Variants in KIRREL3 observed in about 807,000 individuals in gnomAD.
The protein encoded by KIRREL3 is kin of IRRE-like protein 3.
KIRREL3 carries 36 observed loss-of-function variants against 89.7 expected under a neutral mutation model. The ratio of observed to expected loss-of-function variants is 0.40; its 90% confidence interval spans 0.31 to 0.53. The LOEUF (loss-of-function observed/expected upper bound fraction) is 0.53, where lower values mean the gene tolerates loss of function less well. Ranked by LOEUF, KIRREL3 falls within the 20% of genes least tolerant of loss-of-function variation. The probability of loss-of-function intolerance (pLI) is 0.49; values close to 1 mark genes in which losing one functional copy is unlikely to be tolerated. For synonymous variants in KIRREL3, 445 were observed against 441.4 expected, an observed-to-expected ratio of 1.01 and a Z score of -0.10; for missense variants, 864 against 1,056.6, an observed-to-expected ratio of 0.82 and a Z score of 2.53.
At chr11:126,592,952 G>A (rs901239509) in intron 1 of KIRREL3, among the ~76,000 whole-genome samples, 6 of 152,128 alleles carry the variant, frequency 3.9e-5, no homozygotes, top group African/African-American at 1.4e-4. Context: ...AGGGGGCTAG[G>A]AGCTGGCTGG....
intron 1 of KIRREL3, among the ~76,000 whole-genome samples, chr11:126,942,985 G>A (rs1183584912): frequency 1.3e-5 from 2 of 152,188 alleles, no homozygotes; most frequent in East Asian, 1.9e-4. Context: ...GTCATATTAA[G>A]GAGGCTATAT....
chr11:126,917,539 C>T lies in KIRREL3; in HGVS notation c.55+82916G>A, dbSNP rs937376627. 9.2e-5 allele frequency among the ~76,000 whole-genome samples: 14 copies of T among 152,152 alleles called. No homozygotes were observed. The highest frequency in any genetic ancestry group is 1.4e-4 in the African/African-American group (6 of 41,432). ...AAACAACAAAAATCTTTCCAAACCACGTAGCACCTCCACACCTATCCTGCC... is the reference window on the plus strand; with the variant it reads ...AAACAACAAAAATCTTTCCAAACCATGTAGCACCTCCACACCTATCCTGCC... On this transcript the variant is annotated intron_variant, in intron 1 of 16. Coordinates refer to ENST00000525144, the MANE Select transcript of KIRREL3 (RefSeq NM_032531.4). The surrounding 1 kb of genome is among the most constrained non-coding windows in gnomAD (Gnocchi z 5.0).
rs1437799025 is a variant in KIRREL3, at chr11:126,924,607, T to A, written c.55+75848A>T. 1.3e-5 allele frequency among the ~76,000 whole-genome samples: 2 copies of A among 152,150 alleles called. No individual in the cohort carries two copies. The highest frequency in any genetic ancestry group is 2.9e-5 in the Non-Finnish European group (2 of 68,022). ...CTCCCAGAAGGCCCCAGAGTAGTCTTGATTTAAAGGCAGGGCTGTTGGGGG... is the reference window on the plus strand; with the variant it reads ...CTCCCAGAAGGCCCCAGAGTAGTCTAGATTTAAAGGCAGGGCTGTTGGGGG... On this transcript the variant is annotated intron_variant, in intron 1 of 16. Coordinates refer to ENST00000525144, the MANE Select transcript of KIRREL3 (RefSeq NM_032531.4). This position sits in a 1 kb window ranked among gnomAD's most constrained non-coding sequence, Gnocchi z 4.7.
At chr11:126,706,961 G>C (rs1177681861) in intron 1 of KIRREL3, among the ~76,000 whole-genome samples, 1 of 147,214 alleles carries the variant, frequency 6.8e-6, no homozygotes, top group Non-Finnish European at 1.5e-5. Context: ...TTTTTTAAGA[G>C]ATGGGGTCTC....
chr11:126,676,887 C>T lies in KIRREL3; in HGVS notation c.56-113975G>A, dbSNP rs551516311. Among the ~76,000 whole-genome samples the T allele has an allele frequency of 3.6e-4, 54 of 152,020 alleles. No homozygotes were observed. The highest frequency in any genetic ancestry group is 8.5e-4 in the Admixed American group (13 of 15,288). On this transcript the variant is annotated intron_variant, in intron 1 of 16. Coordinates refer to ENST00000525144, the MANE Select transcript of KIRREL3 (RefSeq NM_032531.4). The surrounding 1 kb of genome is among the most constrained non-coding windows in gnomAD (Gnocchi z 4.5). ...GCAGCCTCGATCTCCCAGGCTCAAG[C>T]GGTCGTCCTGCCTAAACCTCCCGAG...
chr11:126,643,429 A>C lies in KIRREL3; in HGVS notation c.56-80517T>G, dbSNP rs1327023695. ...TCTTGAAGAGGATTTTAACACATGC[A>C]GATGGAAGCTATTTCAGACAGAGGG... On this transcript the variant is annotated intron_variant, in intron 1 of 16. Transcript: ENST00000525144. The surrounding 1 kb of genome is among the most constrained non-coding windows in gnomAD (Gnocchi z 4.5). Among the ~76,000 whole-genome samples the C allele has an allele frequency of 6.6e-6, 1 of 152,220 alleles. No individual in the cohort carries two copies. The highest frequency in any genetic ancestry group is 1.5e-5 in the Non-Finnish European group (1 of 68,044).
rs761278846 is a variant in KIRREL3 at position 126,628,061 on chromosome 11, G to T, written c.56-65149C>A. Among the ~76,000 whole-genome samples, 19 of 152,246 alleles carry T rather than the reference G, an allele frequency of 1.2e-4. No homozygotes were observed. The highest frequency in any genetic ancestry group is 2.5e-4 in the Non-Finnish European group (17 of 68,042). The stretch of plus-strand genomic sequence containing the variant: ...TGACCTATACTATTCTGAAGGACAA[G>T]AAATGCTAAATTTTACAGAAATCAA... On this transcript the variant is annotated intron_variant, in intron 1 of 16. Transcript: ENST00000525144. The surrounding 1 kb of genome is among the most constrained non-coding windows in gnomAD (Gnocchi z 5.2).
chr11:126,429,044 A>C lies in KIRREL3; in HGVS notation c.1806+135T>G. 1.6e-6 allele frequency: 1 copy of C among 624,500 alleles called. No individual in the cohort carries two copies. Among genetic ancestry groups the C allele is most frequent in the Non-Finnish European group, 2.9e-6 (1 of 343,042 alleles). The allele number at this position is 624,500 out of a possible 1,614,324, so 38.7% of individuals were successfully genotyped here. On this transcript the variant is annotated intron_variant, in intron 15 of 16. Transcript: ENST00000525144. The surrounding 1 kb of genome is among the most constrained non-coding windows in gnomAD (Gnocchi z 5.2). ...TTGGCTGAGAGTGTGTGCCTCACCT[A>C]TTGTGGGGTGGGCAGGGGGCATCTT...
At position 126,877,478 on chromosome 11, in the gene KIRREL3, C is replaced by A. The variant is rs1405344744; in HGVS notation, c.55+122977G>T. On this transcript the variant is annotated intron_variant, in intron 1 of 16. Coordinates refer to ENST00000525144, the MANE Select transcript of KIRREL3 (RefSeq NM_032531.4). The surrounding 1 kb of genome is among the most constrained non-coding windows in gnomAD (Gnocchi z 4.9). ...CTGCAATGGAAAGAATCTCTTTCCTCCACTCACTCACTTCCCTCCCCAACT... is the reference window on the plus strand; with the variant it reads ...CTGCAATGGAAAGAATCTCTTTCCTACACTCACTCACTTCCCTCCCCAACT... 6.6e-6 allele frequency among the ~76,000 whole-genome samples: 1 copy of A among 152,158 alleles called. No individual in the cohort carries two copies.
intron 1 of KIRREL3, among the ~76,000 whole-genome samples, chr11:126,923,246 C>A (rs1592370710): frequency 1.6e-5 from 1 of 64,244 alleles, no homozygotes; most frequent in South Asian, 7.9e-4. Flanking sequence ...TCTTCTTCTT[C>A]TTCTTCTTCT....
At chr11:126,992,320 C>T (rs185720222) in intron 1 of KIRREL3, 9 of 152,320 alleles carry the variant, frequency 5.9e-5, no homozygotes, top group Admixed American at 5.9e-4. Flanking sequence ...TCCTACATTC[C>T]TGATGGCCTG....
Position 126,709,863 on chromosome 11 carries a change from G to A in KIRREL3, c.56-146951C>T, listed in dbSNP as rs1947688844. ...CGGGCAGGCATTGTCCAAGGGAGCTGGAGAGGCTGAGCACTGGGGCACGAG... is the reference window on the plus strand; with the variant it reads ...CGGGCAGGCATTGTCCAAGGGAGCTAGAGAGGCTGAGCACTGGGGCACGAG... On this transcript the variant is annotated intron_variant, in intron 1 of 16. Transcript: ENST00000525144. The surrounding 1 kb of genome is among the most constrained non-coding windows in gnomAD (Gnocchi z 4.0). Among the ~76,000 whole-genome samples, 1 of 152,208 alleles carries A rather than the reference G, an allele frequency of 6.6e-6. No homozygotes were observed. The highest frequency in any genetic ancestry group is 6.5e-5 in the Admixed American group (1 of 15,292).
intron 1 of KIRREL3, among the ~76,000 whole-genome samples, chr11:126,581,356 T>C (rs542339792): frequency 5.3e-5 from 8 of 152,094 alleles, no homozygotes; most frequent in African/African-American, 1.9e-4. Flanking sequence ...GCACCCGCCA[T>C]CATGCCTGGC....
In KIRREL3 at chr11:126,748,624, C is replaced by T. The variant is rs1451030554; in HGVS notation, c.56-185712G>A. Reference sequence around the variant, plus strand: ...GTGTGCTGTGGCAGGAAAGAAGAGGCCTCTGCGGGAAGGGGGCAGGGGCAG... The same window carrying T: ...GTGTGCTGTGGCAGGAAAGAAGAGGTCTCTGCGGGAAGGGGGCAGGGGCAG... On this transcript the variant is annotated intron_variant, in intron 1 of 16. Transcript: ENST00000525144. The surrounding 1 kb of genome is among the most constrained non-coding windows in gnomAD (Gnocchi z 4.6). Among the ~76,000 whole-genome samples the T allele has an allele frequency of 6.6e-6, 1 of 151,976 alleles. No homozygotes were observed. The highest frequency in any genetic ancestry group is 1.5e-5 in the Non-Finnish European group (1 of 68,004).
Position 126,501,376 on chromosome 11 carries a change from C to G in KIRREL3, c.433+19939G>C, listed in dbSNP as rs143777721. Among the ~76,000 whole-genome samples, 649 of 152,318 alleles carry G rather than the reference C, an allele frequency of 4.3e-3. 9 individuals are homozygous for G. Among genetic ancestry groups the G allele is most frequent in the African/African-American group, 0.015 (607 of 41,572 alleles). ...GGGGCTGCAGAGGGAGAGGAGCCAGCTTGGGGCCTGGGGTGCAGTCTTAGA... is the reference window on the plus strand; with the variant it reads ...GGGGCTGCAGAGGGAGAGGAGCCAGGTTGGGGCCTGGGGTGCAGTCTTAGA... On this transcript the variant is annotated intron_variant, in intron 4 of 16. Coordinates refer to ENST00000525144, the MANE Select transcript of KIRREL3 (RefSeq NM_032531.4). The surrounding 1 kb of genome is among the most constrained non-coding windows in gnomAD (Gnocchi z 5.8).
At position 126,433,379 on chromosome 11, in the gene KIRREL3, TC is replaced by T. The variant is rs1033274590; in HGVS notation, c.1589-1854del. 4.4e-4 allele frequency among the ~76,000 whole-genome samples: 67 copies of T among 152,160 alleles called. 4 individuals are homozygous for T. The highest frequency in any genetic ancestry group is 3.9e-4 in the Admixed American group (6 of 15,282). On this transcript the variant is annotated intron_variant, in intron 13 of 16. Transcript: ENST00000525144. Reference sequence around the variant, plus strand: ...CTGAAGATGCTGCTGGGAGGAGGTATCAAGGGGTGGGGGTAGGGTGGCAGCC... The same window carrying T: ...CTGAAGATGCTGCTGGGAGGAGGTATAAGGGGTGGGGGTAGGGTGGCAGCC...
At position 126,530,983 on chromosome 11, in the gene KIRREL3, A is replaced by G. The variant is rs1356185167; in HGVS notation, c.134-4296T>C. 1.3e-5 allele frequency among the ~76,000 whole-genome samples: 2 copies of G among 151,822 alleles called. No homozygotes were observed. Among genetic ancestry groups the G allele is most frequent in the Non-Finnish European group, 1.5e-5 (1 of 67,954 alleles). On this transcript the variant is annotated intron_variant, in intron 2 of 16. Transcript: ENST00000525144. The surrounding 1 kb of genome is among the most constrained non-coding windows in gnomAD (Gnocchi z 5.8). ...GTAGCTGGGATTACAGGCACTCACCACCATGTCTGGTAATTTTTGTATTTT... is the reference window on the plus strand; with the variant it reads ...GTAGCTGGGATTACAGGCACTCACCGCCATGTCTGGTAATTTTTGTATTTT...
At position 126,564,376 on chromosome 11, in the gene KIRREL3, CT is replaced by C. The variant is rs1940359905; in HGVS notation, c.56-1465del. Among the ~76,000 whole-genome samples the C allele has an allele frequency of 6.6e-6, 1 of 152,204 alleles. No homozygotes were observed. On this transcript the variant is annotated intron_variant, in intron 1 of 16. Transcript: ENST00000525144. This position sits in a 1 kb window ranked among gnomAD's most constrained non-coding sequence, Gnocchi z 7.4. ...GACACAGATAAGTCAAGCTCAGGGG[CT>C]CTTGCCCTAGAGAAAAACAAAACAT... is the stretch of plus-strand genomic sequence containing the variant.
intron 1 of KIRREL3, among the ~76,000 whole-genome samples, chr11:126,846,924 A>G (rs1404457020): frequency 1.3e-5 from 2 of 152,142 alleles, no homozygotes; most frequent in Non-Finnish European, 2.9e-5. Context: ...GGTATTATAC[A>G]GTTTTTCCAT....
Sources: gnomAD v4.1 joint callset for allele counts (sites outside exome capture counted in the v4.1 genomes callset) on GRCh38, gnomAD v4.1.1 for gene constraint, Gnocchi (gnomAD v3.1) non-coding constraint, MANE v1.5 for transcripts, NCBI Gene and HGNC (gene_info 2026-07-23, HGNC 2026-07-21) for gene names.